Variants in KIF13B observed in about 807,000 individuals in gnomAD.
KIF13B encodes kinesin-like protein KIF13B.
Under a neutral mutation model 222.0 loss-of-function variants are expected in KIF13B, and 127 were observed. The observed-to-expected ratio is 0.57, with a 90% CI of 0.50 to 0.66. The LOEUF is 0.66. KIF13B is among the 30% of genes least tolerant of loss of function. The pLI is 0.00. For synonymous variants in KIF13B, 976 were observed against 919.0 expected, an observed-to-expected ratio of 1.06 and a Z score of -1.12; for missense variants, 2,173 against 2,379.0, an observed-to-expected ratio of 0.91 and a Z score of 1.80.
At chr8:29,255,524 T>G (rs1014161825) in intron 1 of KIF13B, among the ~76,000 whole-genome samples, 3 of 152,088 alleles carry the variant, frequency 2.0e-5, no homozygotes, top group Non-Finnish European at 4.4e-5. Flanking sequence ...AAAACTTCTA[T>G]CTATTGGCTC....
intron 2 of KIF13B, among the ~76,000 whole-genome samples, chr8:29,232,398 C>T (rs1224131844): frequency 2.0e-5 from 3 of 149,116 alleles, no homozygotes; most frequent in South Asian, 2.1e-4. Flanking sequence ...CACAGCAAGA[C>T]CCTGTCTCTA....
At chr8:29,143,349 G>A (rs1810904143) in intron 18 of KIF13B, among the ~76,000 whole-genome samples, 1 of 152,180 alleles carries the variant, frequency 6.6e-6, no homozygotes, top group African/African-American at 2.4e-5. Flanking sequence ...TGTAATGGAT[G>A]GCATCTTCAG....
At chr8:29,171,553 T>A (rs1273855280) in intron 10 of KIF13B, among the ~76,000 whole-genome samples, 1 of 151,258 alleles carries the variant, frequency 6.6e-6, no homozygotes, top group East Asian at 1.9e-4. Context: ...TGAGTCAGAC[T>A]AAGAATTTAA....
rs192917137 is a variant in KIF13B at position 29,135,883 on chromosome 8, T to G, written c.2614-1673A>C. Among the ~76,000 whole-genome samples, 517 of 151,602 alleles carry G rather than the reference T, an allele frequency of 3.4e-3. 5 individuals are homozygous for G. Among genetic ancestry groups the G allele is most frequent in the African/African-American group, 0.012 (482 of 41,542 alleles). On this transcript the variant is annotated intron_variant, in intron 21 of 39. Coordinates refer to ENST00000524189, the MANE Select transcript of KIF13B (RefSeq NM_015254.4). ...GCACTCTACTCTGGGTGACAGAGAC[T>G]CTGTCTCAAAAAACAAACAAGCAAA...
At chr8:29,161,818 A>C (rs1179486755) in intron 12 of KIF13B, among the ~76,000 whole-genome samples, 1 of 151,700 alleles carries the variant, frequency 6.6e-6, no homozygotes, top group Admixed American at 6.6e-5. Flanking sequence ...TCTACTTCGT[A>C]ACTGTTCACC....
chr8:29,164,890 C>G (rs1431182452), intron 12 of KIF13B, among the ~76,000 whole-genome samples: 2 of 151,782 alleles, frequency 1.3e-5, no homozygotes, highest in African/African-American at 4.8e-5. Flanking sequence ...CTCTGTCACC[C>G]AGGCTGGAGT....
At chr8:29,080,340 A>C (rs1807749029) in intron 37 of KIF13B, among the ~76,000 whole-genome samples, 2 of 151,452 alleles carry the variant, frequency 1.3e-5, no homozygotes, top group African/African-American at 2.4e-5. Flanking sequence ...AAAAAAAAAA[A>C]AAAAAAAAAC....
At chr8:29,257,924 T>G (rs1160607788) in intron 1 of KIF13B, among the ~76,000 whole-genome samples, 2 of 152,354 alleles carry the variant, frequency 1.3e-5, no homozygotes, top group East Asian at 3.9e-4. Context: ...TGGCCCTATG[T>G]GCATATATCC....
chr8:29,137,169 T>G (rs999182684), intron 21 of KIF13B, among the ~76,000 whole-genome samples: 1 of 152,074 alleles, frequency 6.6e-6, no homozygotes, highest in Non-Finnish European at 1.5e-5. Context: ...TCTGAAAACC[T>G]TTTTTTACCA....
At chr8:29,201,550 A>G (rs941105462) in intron 2 of KIF13B, among the ~76,000 whole-genome samples, 1 of 152,206 alleles carries the variant, frequency 6.6e-6, no homozygotes, top group Non-Finnish European at 1.5e-5. Context: ...ACAAAATAAT[A>G]TCAGTAGAAA....
At chr8:29,182,847 A>C (rs191574495) in intron 6 of KIF13B, among the ~76,000 whole-genome samples, 126 of 152,270 alleles carry the variant, frequency 8.3e-4, no homozygotes, top group Middle Eastern at 3.4e-3. Context: ...TGTGTATTTC[A>C]AAATTGCTGA....
At chr8:29,177,440 T>C in intron 9 of KIF13B, 26 bp downstream of exon 9, 3 of 1,367,510 alleles carry the variant, frequency 2.2e-6, no homozygotes, top group Non-Finnish European at 3.1e-6. Context: ...AATAAAGCAA[T>C]AAAAATAAGC....
chr8:29,217,930 G>C (rs1033008686), intron 2 of KIF13B, among the ~76,000 whole-genome samples: 4 of 152,184 alleles, frequency 2.6e-5, no homozygotes, highest in African/African-American at 9.7e-5. Flanking sequence ...CTAATATTCA[G>C]TGTGAGAGTT....
intron 2 of KIF13B, among the ~76,000 whole-genome samples, chr8:29,199,388 G>A (rs748166033): frequency 1.2e-4 from 18 of 152,098 alleles, no homozygotes; most frequent in South Asian, 4.2e-4. Flanking sequence ...AAGTCAACCC[G>A]TCTAGCACAT....
In KIF13B at chr8:29,177,232, A is replaced by C. The variant is rs549490863; in HGVS notation, c.833+234T>G. 1.4e-4 allele frequency among the ~76,000 whole-genome samples: 21 copies of C among 151,658 alleles called. 1 individual carries two copies. The highest frequency in any genetic ancestry group is 5.1e-4 in the African/African-American group (21 of 41,324). ...AAGCACAGCATCACCCCTCCCATGA[A>C]AAGAATTACCTGACCCAAAACAGCA... On this transcript the variant is annotated intron_variant, in intron 9 of 39. Coordinates refer to ENST00000524189, the MANE Select transcript of KIF13B (RefSeq NM_015254.4).
chr8:29,226,503 C>CG (rs1815031715), intron 2 of KIF13B, among the ~76,000 whole-genome samples: 1 of 152,076 alleles, frequency 6.6e-6, no homozygotes, highest in Admixed American at 6.5e-5. Context: ...GTAGGTGGCC[C>CG]GGAAAGCCCA....
chr8:29,244,933 C>G (rs1815954580), intron 2 of KIF13B, among the ~76,000 whole-genome samples: 1 of 152,178 alleles, frequency 6.6e-6, no homozygotes, highest in African/African-American at 2.4e-5. Context: ...GGAAAGACAT[C>G]ACTGCGGGCT....
chr8:29,176,479 T>C (rs1334756797), intron 9 of KIF13B, among the ~76,000 whole-genome samples: 1 of 152,104 alleles, frequency 6.6e-6, no homozygotes, highest in East Asian at 1.9e-4. Flanking sequence ...AGAAACACAA[T>C]AATTAAACCA....
intron 10 of KIF13B, among the ~76,000 whole-genome samples, chr8:29,167,930 C>T (rs1284540906): frequency 6.6e-6 from 1 of 152,182 alleles, no homozygotes; most frequent in Non-Finnish European, 1.5e-5. Context: ...AAAAAGGACT[C>T]CTTAAATGCC....
Sources: gnomAD v4.1 joint callset for allele counts (sites outside exome capture counted in the v4.1 genomes callset) on GRCh38, gnomAD v4.1.1 for gene constraint, MANE v1.5 for transcripts, NCBI Gene and HGNC (gene_info 2026-07-23, HGNC 2026-07-21) for gene names.